NIPAL2: variants seen among roughly 807,000 people sequenced by gnomAD.
NIPAL2 encodes NIPA-like protein 2.
NIPAL2 carries 43 observed loss-of-function variants against 48.9 expected under a neutral mutation model. The ratio of observed to expected loss-of-function variants is 0.88; its 90% confidence interval spans 0.69 to 1.13. The LOEUF is 1.13. NIPAL2 is among the 50% of genes most tolerant of loss of function. The pLI is 0.00. For missense variants in NIPAL2, 446 were observed against 461.4 expected (o/e 0.97, Z 0.31); for synonymous variants, 167 against 174.6 (o/e 0.96, Z 0.34).
chr8:98,193,349 G>A (rs200402972), intron 10 of NIPAL2: 130 of 1,612,584 alleles, frequency 8.1e-5, no homozygotes, highest in Non-Finnish European at 1.0e-4. Context: ...AATCAGGTGG[G>A]TTTAGTCTGG....
At position 98,218,926 on chromosome 8, in the gene NIPAL2, G is replaced by C. The variant is rs200335203; in HGVS notation, c.558+3553C>G. Among the ~76,000 whole-genome samples the C allele has an allele frequency of 1.8e-4, 27 of 152,292 alleles. No individual in the cohort carries two copies. In the East Asian group the frequency reaches 4.8e-3, roughly 27 times the overall value. On this transcript the variant is annotated intron_variant, in intron 5 of 10. Transcript: ENST00000430223. ...TGATGACGAACAGCAGGGGGAGGCA[G>C]CCTTATTAAGAGGCTGCTGACACAG... is the stretch of plus-strand genomic sequence containing the variant.
intron 5 of NIPAL2, among the ~76,000 whole-genome samples, chr8:98,213,573 C>G (rs1811427170): frequency 6.6e-6 from 1 of 152,166 alleles, no homozygotes; most frequent in African/African-American, 2.4e-5. Context: ...GGATGGTCCA[C>G]TCTGTGCCAG....
intron 5 of NIPAL2, among the ~76,000 whole-genome samples, chr8:98,215,835 T>C (rs940671232): frequency 6.6e-6 from 1 of 152,098 alleles, no homozygotes; most frequent in South Asian, 2.1e-4. Flanking sequence ...GATGTAAGCC[T>C]TGAAGGAAAA....
At chr8:98,231,204 G>C (rs1285307602) in intron 4 of NIPAL2, among the ~76,000 whole-genome samples, 2 of 152,070 alleles carry the variant, frequency 1.3e-5, no homozygotes, top group Admixed American at 6.6e-5. Flanking sequence ...AACCTTGAAG[G>C]ACCCCTCGAT....
At chr8:98,197,957 AC>A (rs1189498668) in intron 8 of NIPAL2, among the ~76,000 whole-genome samples, 1 of 152,240 alleles carries the variant, frequency 6.6e-6, no homozygotes, top group East Asian at 1.9e-4. Flanking sequence ...CCCATGAATC[AC>A]AAAAGTTCTT....
chr8:98,284,159 C>T (rs373868060), intron 1 of NIPAL2, among the ~76,000 whole-genome samples: 3 of 152,134 alleles, frequency 2.0e-5, no homozygotes, highest in East Asian at 3.9e-4. Flanking sequence ...GACACCCACA[C>T]GATTCACTGA....
At position 98,272,033 on chromosome 8, in the gene NIPAL2, C is replaced by A. The variant is rs1252481503; in HGVS notation, c.136-17946G>T. On this transcript the variant is annotated intron_variant, in intron 1 of 10. Coordinates refer to ENST00000430223, the MANE Select transcript of NIPAL2 (RefSeq NM_001321635.2). ...AGTATGTTGAACCAAATTTGCACCC[C>A]AGGAATAAAGCCCATTTGATCATGG... 2.6e-5 allele frequency among the ~76,000 whole-genome samples: 4 copies of A among 152,064 alleles called. No homozygotes were observed. In the East Asian group the frequency reaches 7.7e-4, roughly 29 times the overall value.
intron 4 of NIPAL2, among the ~76,000 whole-genome samples, chr8:98,230,898 C>A (rs1237128112): frequency 6.6e-6 from 1 of 152,194 alleles, no homozygotes; most frequent in East Asian, 1.9e-4. Flanking sequence ...TGTCCACTTT[C>A]CAGCTGGATG....
chr8:98,231,503 C>A (rs528139537), intron 4 of NIPAL2, among the ~76,000 whole-genome samples: 1 of 152,256 alleles, frequency 6.6e-6, no homozygotes, highest in East Asian at 1.9e-4. Flanking sequence ...GGTCTTAAAT[C>A]AACTAGGATC....
intron 1 of NIPAL2, among the ~76,000 whole-genome samples, chr8:98,272,502 C>T (rs1340982035): frequency 6.6e-6 from 1 of 151,940 alleles, no homozygotes; most frequent in Non-Finnish European, 1.5e-5. Flanking sequence ...TAGAAATGGC[C>T]TATTATTTAA....
chr8:98,242,206 G>T (rs1262663493), intron 3 of NIPAL2, among the ~76,000 whole-genome samples: 4 of 152,104 alleles, frequency 2.6e-5, no homozygotes, highest in South Asian at 4.1e-4. Flanking sequence ...TTGAGACAGG[G>T]TCTCCTTCTG....
intron 4 of NIPAL2, 47 bp downstream of exon 4, chr8:98,236,108 T>G (rs1715538240): frequency 7.7e-7 from 1 of 1,296,794 alleles, no homozygotes; most frequent in African/African-American, 1.5e-5. Flanking sequence ...ATTATTTATT[T>G]CCTGATCAAG....
intron 4 of NIPAL2, among the ~76,000 whole-genome samples, chr8:98,232,208 G>GA (rs1378070938): frequency 6.6e-6 from 1 of 152,130 alleles, no homozygotes; most frequent in Non-Finnish European, 1.5e-5. Flanking sequence ...GGAGGCAAGG[G>GA]TATAGAATAG....
chr8:98,262,384 A>G (rs1310893523), intron 1 of NIPAL2, among the ~76,000 whole-genome samples: 1 of 147,780 alleles, frequency 6.8e-6, no homozygotes, highest in African/African-American at 2.5e-5. Flanking sequence ...CAGGAAACCC[A>G]TCTCACGTGC....
chr8:98,211,778 G>A (rs1244347180), intron 6 of NIPAL2, among the ~76,000 whole-genome samples: 1 of 144,270 alleles, frequency 6.9e-6, no homozygotes, highest in African/African-American at 2.5e-5. Flanking sequence ...AGGGGTGGGG[G>A]AAAGAGAGAG....
chr8:98,206,612 C>T (rs1437478690), intron 6 of NIPAL2, among the ~76,000 whole-genome samples: 1 of 151,734 alleles, frequency 6.6e-6, no homozygotes, highest in African/African-American at 2.4e-5. Context: ...CACAGTGAAA[C>T]CCTGTCTCTA....
At chr8:98,217,625 T>C (rs1164168485) in intron 5 of NIPAL2, among the ~76,000 whole-genome samples, 1 of 152,224 alleles carries the variant, frequency 6.6e-6, no homozygotes, top group Admixed American at 6.5e-5. Context: ...AATCTTAGTA[T>C]AAAATTCATC....
chr8:98,280,755 T>TAGAGAGAG lies in NIPAL2; in HGVS notation c.135+13247_135+13248insCTCTCTCT, dbSNP rs1364661957. Among the ~76,000 whole-genome samples, 75 of 32,270 alleles carry TAGAGAGAG rather than the reference T, an allele frequency of 2.3e-3. 1 individual carries two copies. The highest frequency in any genetic ancestry group is 4.3e-3 in the Non-Finnish European group (59 of 13,778). 21.2% of individuals were successfully genotyped at this position (32,270 alleles called of 152,430 possible). On this transcript the variant is annotated intron_variant, in intron 1 of 10. Coordinates refer to ENST00000430223, the MANE Select transcript of NIPAL2 (RefSeq NM_001321635.2). ...CCATTACTATATATATATATATATA[T>TAGAGAGAG]ATATATAGAGAGAGAGAGAGAGAGA...
At chr8:98,251,194 A>G (rs1813567919) in intron 3 of NIPAL2, among the ~76,000 whole-genome samples, 1 of 152,000 alleles carries the variant, frequency 6.6e-6, no homozygotes, top group Non-Finnish European at 1.5e-5. Flanking sequence ...TGGAAACGGC[A>G]TAAAGTAAGG....
Sources: gnomAD v4.1 joint callset for allele counts (sites outside exome capture counted in the v4.1 genomes callset) on GRCh38, gnomAD v4.1.1 for gene constraint, MANE v1.5 for transcripts, NCBI Gene and HGNC (gene_info 2026-07-23, HGNC 2026-07-21) for gene names.